PTPRD: variants seen among roughly 807,000 people sequenced by gnomAD.
PTPRD encodes protein tyrosine phosphatase receptor type D, also known as receptor-type tyrosine-protein phosphatase delta.
Under a neutral mutation model 214.5 loss-of-function variants are expected in PTPRD, and 34 were observed. The observed-to-expected ratio is 0.16, with a 90% CI of 0.12 to 0.21. The LOEUF is 0.21. PTPRD is among the 10% of genes least tolerant of loss of function. The pLI is 1.00. For missense variants in PTPRD, 2,545 were observed against 2,398.7 expected, an observed-to-expected ratio of 1.06 and a Z score of -1.27; for synonymous variants, 1,128 against 845.7, an observed-to-expected ratio of 1.33 and a Z score of -5.79.
intron 4 of PTPRD, among the ~76,000 whole-genome samples, chr9:9,987,437 G>C (rs959380089): frequency 6.6e-6 from 1 of 152,062 alleles, no homozygotes; most frequent in African/African-American, 2.4e-5. Context: ...AGCAAGTCAC[G>C]TCTAACATGG....
At chr9:8,858,026 C>G (rs910887454) in intron 11 of PTPRD, 1 of 157,290 alleles carries the variant, frequency 6.4e-6, no homozygotes, top group Non-Finnish European at 1.4e-5. Flanking sequence ...TTCTCCTCCT[C>G]CCGCTCCTCC....
At chr9:8,779,642 C>T (rs1457472543) in intron 11 of PTPRD, among the ~76,000 whole-genome samples, 2 of 152,068 alleles carry the variant, frequency 1.3e-5, no homozygotes, top group Non-Finnish European at 2.9e-5. Context: ...CCAGAGATGC[C>T]ACTATCTCCT....
chr9:8,782,852 C>T (rs987538621), intron 11 of PTPRD, among the ~76,000 whole-genome samples: 2 of 152,052 alleles, frequency 1.3e-5, no homozygotes, highest in Non-Finnish European at 2.9e-5. Context: ...CCTTGGCCCC[C>T]CGCAAAGGGC....
At chr9:9,004,391 G>A (rs972976946) in intron 11 of PTPRD, among the ~76,000 whole-genome samples, 3 of 151,696 alleles carry the variant, frequency 2.0e-5, no homozygotes, top group Non-Finnish European at 4.4e-5. Flanking sequence ...AATTATTTTT[G>A]GAACTATATA....
chr9:10,099,037 G>A lies in PTPRD; in HGVS notation c.-544-65247C>T, dbSNP rs188419274. On this transcript the variant is annotated intron_variant, in intron 3 of 45. Transcript: ENST00000381196. ...CATCTTTTGGAACATTCTAAGCTGC[G>A]CTCAGTTACAGAAATATGTGGTAGC... 1.8e-4 allele frequency among the ~76,000 whole-genome samples: 28 copies of A among 151,798 alleles called. No homozygotes were observed. The East Asian group carries it at 2.1e-3, about 12-fold the overall frequency.
intron 10 of PTPRD, among the ~76,000 whole-genome samples, chr9:9,091,981 G>A (rs1165961034): frequency 6.6e-6 from 1 of 152,102 alleles, no homozygotes; most frequent in Non-Finnish European, 1.5e-5. Context: ...AAGTGTCTCT[G>A]CCATTTTCTT....
chr9:10,593,275 C>A (rs868856193), intron 2 of PTPRD, among the ~76,000 whole-genome samples: 1 of 151,892 alleles, frequency 6.6e-6, no homozygotes, highest in African/African-American at 2.4e-5. Flanking sequence ...TTTTGCATTT[C>A]GAACAAGCTC....
intron 5 of PTPRD, among the ~76,000 whole-genome samples, chr9:9,827,566 C>A (rs1157373133): frequency 1.3e-5 from 2 of 152,068 alleles, no homozygotes; most frequent in African/African-American, 4.8e-5. Context: ...AGAAGAAAAC[C>A]TAGGCAATAC....
chr9:9,415,783 G>A (rs1029261531), intron 8 of PTPRD, among the ~76,000 whole-genome samples: 1 of 152,164 alleles, frequency 6.6e-6, no homozygotes, highest in Non-Finnish European at 1.5e-5. Context: ...TTCAGTAGTG[G>A]AAGTGAAAGA....
chr9:8,404,095 T>C (rs7042145), intron 36 of PTPRD, among the ~76,000 whole-genome samples: 73,190 of 152,028 alleles, frequency 0.48, 18,115 homozygotes, highest in Middle Eastern at 0.57. Flanking sequence ...AAAGAAAAAG[T>C]AGGAAAAAGC....
chr9:8,952,588 T>A (rs1263554241), intron 11 of PTPRD, among the ~76,000 whole-genome samples: 4 of 151,798 alleles, frequency 2.6e-5, no homozygotes, highest in Non-Finnish European at 5.9e-5. Context: ...CTTTAAATGG[T>A]AAAGATGGAG....
intron 2 of PTPRD, among the ~76,000 whole-genome samples, chr9:10,499,893 T>C (rs2043152444): frequency 6.6e-6 from 1 of 151,906 alleles, no homozygotes; most frequent in African/African-American, 2.4e-5. Context: ...TAAAAAAATG[T>C]TAATTTTAAA....
At chr9:10,478,545 A>C (rs888064760) in intron 2 of PTPRD, among the ~76,000 whole-genome samples, 2 of 152,146 alleles carry the variant, frequency 1.3e-5, no homozygotes, top group Non-Finnish European at 2.9e-5. Context: ...ACAGTTAAGC[A>C]ACATATAATT....
At chr9:8,735,932 G>GGAT in intron 11 of PTPRD, among the ~76,000 whole-genome samples, 1 of 140,860 alleles carries the variant, frequency 7.1e-6, no homozygotes, top group Non-Finnish European at 1.5e-5. Flanking sequence ...AAAAAAAGAA[G>GGAT]ATTCAGACTT....
In PTPRD at chr9:9,371,073, C is replaced by G. The variant is rs547009873; in HGVS notation, c.-203+26376G>C. 2.0e-3 allele frequency among the ~76,000 whole-genome samples: 271 copies of G among 138,788 alleles called. 1 individual carries two copies. The highest frequency in any genetic ancestry group is 0.01 in the Middle Eastern group (3 of 292). The allele number at this position is 138,788 out of a possible 152,430, so 91.1% of individuals were successfully genotyped here. A position where few individuals can be genotyped will look rare whatever the true frequency, so the allele number is the denominator to read the frequency against. On this transcript the variant is annotated intron_variant, in intron 9 of 45. Transcript: ENST00000381196. ...ATTAAGGATATTGGTCTAAAATTCTCTTTTTTTGTTTTTTTCTCTGCCAGC... is the reference window on the plus strand; with the variant it reads ...ATTAAGGATATTGGTCTAAAATTCTGTTTTTTTGTTTTTTTCTCTGCCAGC...
intron 37 of PTPRD, 49 bp from the exon 38 acceptor site, chr9:8,376,775 T>C (rs1323892720): frequency 1.2e-6 from 2 of 1,604,130 alleles, no homozygotes; most frequent in African/African-American, 2.7e-5. Flanking sequence ...TCAATTTCTC[T>C]ATTAACTTTG....
intron 2 of PTPRD, among the ~76,000 whole-genome samples, chr9:10,528,424 C>T (rs1446142594): frequency 3.3e-5 from 5 of 152,122 alleles, no homozygotes; most frequent in Admixed American, 6.6e-5. Context: ...ATAATCCATG[C>T]TGCTACTATT....
At chr9:9,658,638 A>T (rs189316105) in intron 7 of PTPRD, among the ~76,000 whole-genome samples, 1,872 of 152,240 alleles carry the variant, frequency 0.012, 14 homozygotes, top group Non-Finnish European at 0.019. Context: ...GTTATATGCT[A>T]TGAAAATTCT....
chr9:9,851,653 A>G (rs1235406029), intron 5 of PTPRD, among the ~76,000 whole-genome samples: 1 of 152,144 alleles, frequency 6.6e-6, no homozygotes, highest in East Asian at 1.9e-4. Flanking sequence ...TGTGGTGCAC[A>G]CCTATAGTCC....
Sources: allele counts gnomAD v4.1 joint callset (sites outside exome capture counted in the v4.1 genomes callset), GRCh38; gene constraint gnomAD v4.1.1; transcripts MANE v1.5; gene names NCBI Gene and HGNC (gene_info 2026-07-23, HGNC 2026-07-21).